MSI2: variants seen among roughly 807,000 people sequenced by gnomAD.
The protein encoded by MSI2 is musashi RNA binding protein 2, also known as RNA-binding protein Musashi homolog 2.
A neutral mutation model predicts 45.6 loss-of-function variants in MSI2; 17 were observed. The ratio of observed to expected loss-of-function variants is 0.37; its 90% CI spans 0.26 to 0.56. MSI2 has a LOEUF of 0.56. MSI2 is among the 20% of genes least tolerant of loss of function. The pLI is 0.77. For missense variants in MSI2, 293 were observed against 444.2 expected (o/e 0.66, Z 3.06); for synonymous variants, 156 against 158.2 (o/e 0.99, Z 0.11).
Position 57,262,137 on chromosome 17 carries a change from AT to A in MSI2, c.271-6del, listed in dbSNP as rs749230653. 7.4e-6 allele frequency: 12 copies of A among 1,612,056 alleles called. No homozygotes were observed. Among genetic ancestry groups the A allele is most frequent in the East Asian group, 2.2e-5 (1 of 44,820 alleles). ...GTACTTTATTGACTCCTGCTTTTCT[AT>A]TTTTTTTCCCAGATTGACCCCAAAG... On this transcript the variant is annotated splice_polypyrimidine_tract_variant and intron_variant, in intron 4 of 13. Coordinates refer to ENST00000284073, the MANE Select transcript of MSI2 (RefSeq NM_138962.4).
At chr17:57,561,197 C>A (rs550705471) in intron 7 of MSI2, among the ~76,000 whole-genome samples, 7 of 152,270 alleles carry the variant, frequency 4.6e-5, no homozygotes, top group African/African-American at 1.7e-4. Flanking sequence ...GAAACCACAG[C>A]CCTGAGATGG....
intron 9 of MSI2, chr17:57,626,991 T>TTGCGGG (rs1390834721): frequency 1.0e-5 from 6 of 589,852 alleles, no homozygotes; most frequent in Non-Finnish European, 1.8e-5. Flanking sequence ...GGAAAGTACA[T>TTGCGGG]GGGCTTTGCG....
At position 57,627,575 on chromosome 17, in the gene MSI2, A is replaced by G. The variant is rs529240406; in HGVS notation, c.727+272A>G. On this transcript the variant is annotated intron_variant, in intron 10 of 13. Transcript: ENST00000284073. The surrounding 1 kb of genome is among the most constrained non-coding windows in gnomAD (Gnocchi z 4.6). ...GGAGGCAGGAGGCCTCCCTGTGCTC[A>G]CCTCCTTTTTCTGAAGCCTCTTCCG... 3 of 504,916 alleles carry G rather than the reference A, an allele frequency of 5.9e-6. No homozygotes were observed. The South Asian group carries it at 7.7e-5, about 13-fold the overall frequency. The allele number at this position is 504,916 out of a possible 1,614,324, so 31.3% of individuals were successfully genotyped here.
At chr17:57,481,556 G>A (rs2085648140) in intron 6 of MSI2, among the ~76,000 whole-genome samples, 1 of 152,142 alleles carries the variant, frequency 6.6e-6, no homozygotes. Context: ...GTGACAATTG[G>A]TAGATTGTAG....
chr17:57,466,670 C>G (rs1378753511), intron 6 of MSI2, among the ~76,000 whole-genome samples: 1 of 152,090 alleles, frequency 6.6e-6, no homozygotes, highest in Non-Finnish European at 1.5e-5. Flanking sequence ...TTGGGAGAAA[C>G]TGTTTTCATT....
At chr17:57,276,812 G>C (rs906489317) in intron 5 of MSI2, among the ~76,000 whole-genome samples, 2 of 152,132 alleles carry the variant, frequency 1.3e-5, no homozygotes, top group Non-Finnish European at 2.9e-5. Context: ...TGAGTGCCAG[G>C]TAACGGAGGC....
intron 6 of MSI2, among the ~76,000 whole-genome samples, chr17:57,504,723 G>C (rs2086190163): frequency 6.6e-6 from 1 of 152,138 alleles, no homozygotes; most frequent in South Asian, 2.1e-4. Flanking sequence ...CTGAGGTCGG[G>C]AGTTCGAGAC....
intron 5 of MSI2, among the ~76,000 whole-genome samples, chr17:57,319,666 G>A (rs1167861796): frequency 6.6e-6 from 1 of 152,224 alleles, no homozygotes; most frequent in African/African-American, 2.4e-5. Flanking sequence ...AGGCTGGAGT[G>A]CAGAGACACG....
chr17:57,582,976 G>A (rs1450876208), intron 7 of MSI2, among the ~76,000 whole-genome samples: 1 of 152,060 alleles, frequency 6.6e-6, no homozygotes, highest in Non-Finnish European at 1.5e-5. Context: ...CTTTCTCTAC[G>A]GTACCAGTTT....
chr17:57,277,376 G>T (rs1598060105), intron 5 of MSI2, among the ~76,000 whole-genome samples: 1 of 152,296 alleles, frequency 6.6e-6, no homozygotes, highest in African/African-American at 2.4e-5. Flanking sequence ...TTTTTGACAG[G>T]GTGGTTTGGG....
At chr17:57,569,363 C>T (rs748324597) in intron 7 of MSI2, among the ~76,000 whole-genome samples, 7 of 152,218 alleles carry the variant, frequency 4.6e-5, no homozygotes, top group Non-Finnish European at 1.0e-4. Flanking sequence ...GAAAAGGCAT[C>T]TCTGCCCCAG....
intron 6 of MSI2, among the ~76,000 whole-genome samples, chr17:57,403,921 C>T (rs753959238): frequency 2.4e-5 from 3 of 125,282 alleles, no homozygotes; most frequent in Non-Finnish European, 5.0e-5. Flanking sequence ...TTGAAGGAAA[C>T]AGAATGAATG....
At chr17:57,461,732 C>T (rs2085234404) in intron 6 of MSI2, among the ~76,000 whole-genome samples, 2 of 152,076 alleles carry the variant, frequency 1.3e-5, no homozygotes. Context: ...ACAGGTTTCA[C>T]CATGTTGGCC....
At chr17:57,585,252 T>C (rs2088315845) in intron 7 of MSI2, among the ~76,000 whole-genome samples, 1 of 152,174 alleles carries the variant, frequency 6.6e-6, no homozygotes, top group Non-Finnish European at 1.5e-5. Flanking sequence ...CTTACAGACA[T>C]GTCAAGTGGA....
Position 57,530,537 on chromosome 17 carries a change from C to T in MSI2, c.454+813C>T, listed in dbSNP as rs181619950. 1.5e-3 allele frequency among the ~76,000 whole-genome samples: 236 copies of T among 152,258 alleles called. 1 individual carries two copies. Among genetic ancestry groups the T allele is most frequent in the Non-Finnish European group, 2.5e-3 (172 of 68,016 alleles). Reference sequence around the variant, plus strand: ...GGTGATGACTTAGTGTTCTGTTCTCCGGAAGCTCAGGTTTCTGGGGTTCCT... The same window carrying T: ...GGTGATGACTTAGTGTTCTGTTCTCTGGAAGCTCAGGTTTCTGGGGTTCCT... On this transcript the variant is annotated intron_variant, in intron 7 of 13. Coordinates refer to ENST00000284073, the MANE Select transcript of MSI2 (RefSeq NM_138962.4).
At chr17:57,415,190 T>C (rs888576840) in intron 6 of MSI2, among the ~76,000 whole-genome samples, 1 of 152,136 alleles carries the variant, frequency 6.6e-6, no homozygotes, top group Admixed American at 6.5e-5. Context: ...CTCCCAGACT[T>C]GCCGTCTTGT....
intron 7 of MSI2, among the ~76,000 whole-genome samples, chr17:57,568,919 G>A (rs187833167): frequency 5.9e-5 from 9 of 152,292 alleles, no homozygotes; most frequent in Admixed American, 5.9e-4. Context: ...GGGCCTGGCT[G>A]GTACCGGGGA....
At chr17:57,473,871 G>A (rs2085487473) in intron 6 of MSI2, among the ~76,000 whole-genome samples, 1 of 152,210 alleles carries the variant, frequency 6.6e-6, no homozygotes, top group South Asian at 2.1e-4. Flanking sequence ...TCCTGAGATG[G>A]TCTGCAGCCT....
chr17:57,635,176 G>A (rs1418010788), intron 10 of MSI2, among the ~76,000 whole-genome samples: 1 of 152,054 alleles, frequency 6.6e-6, no homozygotes, highest in Non-Finnish European at 1.5e-5. Context: ...GGAGCTTGCA[G>A]AAGCATCTTG....
Sources: gnomAD v4.1 joint callset for allele counts (sites outside exome capture counted in the v4.1 genomes callset) on GRCh38, gnomAD v4.1.1 for gene constraint, Gnocchi (gnomAD v3.1) non-coding constraint, MANE v1.5 for transcripts, NCBI Gene and HGNC (gene_info 2026-07-23, HGNC 2026-07-21) for gene names.